Variants in PNLIPRP3 observed in about 807,000 individuals in gnomAD.
The protein encoded by PNLIPRP3 is pancreatic lipase-related protein 3.
In PNLIPRP3, 58 loss-of-function variants were observed where a neutral mutation model predicts 52.8. That is an observed-to-expected ratio of 1.10 (90% CI 0.89 to 1.37). PNLIPRP3 has a LOEUF of 1.37. Ranked by LOEUF, PNLIPRP3 falls within the 40% of genes most tolerant of loss-of-function variation. PNLIPRP3 has a pLI of 0.00. For synonymous variants in PNLIPRP3, 192 were observed against 185.0 expected (o/e 1.04, Z -0.31); for missense variants, 593 against 561.6 (o/e 1.06, Z -0.57).
chr10:116,471,912 G>A (rs2133158574), intron 10 of PNLIPRP3, 33 bp downstream of exon 10: 3 of 1,373,766 alleles, frequency 2.2e-6, no homozygotes, highest in Non-Finnish European at 1.0e-6. Context: ...GCTTTGCACA[G>A]TGCTGGGGGC....
chr10:116,476,023 T>G (rs577078426), intron 10 of PNLIPRP3, among the ~76,000 whole-genome samples: 3 of 152,196 alleles, frequency 2.0e-5, no homozygotes, highest in Admixed American at 6.5e-5. Context: ...TGGGTCACAG[T>G]GGAGAATTTT....
At chr10:116,440,016 G>A (rs576381527) in intron 2 of PNLIPRP3, 16 of 767,232 alleles carry the variant, frequency 2.1e-5, no homozygotes, top group East Asian at 9.7e-5. Flanking sequence ...ACATCTTGCC[G>A]TTTGGTTTCT....
At position 116,443,177 on chromosome 10, in the gene PNLIPRP3, A is replaced by C; in HGVS notation, c.324+3A>C. ...AATGGCAGAGAGACATGTGCAATGT[A>C]TGACATGAATAAGCTCCTTTTTACA... On this transcript the variant is annotated splice_donor_region_variant and intron_variant, in intron 3 of 11. Coordinates refer to ENST00000369230, the MANE Select transcript of PNLIPRP3 (RefSeq NM_001011709.3). 1 of 1,606,290 alleles carries C rather than the reference A, an allele frequency of 6.2e-7. No homozygotes were observed. Among genetic ancestry groups the C allele is most frequent in the Non-Finnish European group, 8.5e-7 (1 of 1,175,932 alleles).
At position 116,477,147 on chromosome 10, in the gene PNLIPRP3, A is replaced by G. The variant is rs1846484085; in HGVS notation, c.1398A>G (p.Pro466=). 2.5e-6 allele frequency: 4 copies of G among 1,589,198 alleles called. No homozygotes were observed. In the South Asian group the frequency reaches 3.3e-5, roughly 13 times the overall value. The change falls in exon 12 of 12, where the codon CCA becomes CCG. Residue 466 remains proline, a synonymous_variant. Coordinates refer to ENST00000369230, the MANE Select transcript of PNLIPRP3 (RefSeq NM_001011709.3). ...MGPNILQNLK[P]C is the part of the protein sequence containing the mutation. ...CTAATATTCTCCAGAACCTGAAACCATGCTAATCTCAGATACAGTCTTGAT... is the reference window on the plus strand; with the variant it reads ...CTAATATTCTCCAGAACCTGAAACCGTGCTAATCTCAGATACAGTCTTGAT...
rs552056129 is a variant in PNLIPRP3 at position 116,470,466 on chromosome 10, G to A, written c.1060+1149G>A. 5.3e-4 allele frequency among the ~76,000 whole-genome samples: 81 copies of A among 151,860 alleles called. 1 individual carries two copies. In the South Asian group the frequency reaches 0.016, roughly 31 times the overall value. The stretch of plus-strand genomic sequence containing the variant: ...AAAAGAGCCAAGGAAAGAAAGTTGA[G>A]CAGGAAGAGAGGAGACATACACCAC... On this transcript the variant is annotated intron_variant, in intron 9 of 11. Coordinates refer to ENST00000369230, the MANE Select transcript of PNLIPRP3 (RefSeq NM_001011709.3).
At chr10:116,439,812 A>G (rs1471271247) in intron 2 of PNLIPRP3, 3 of 775,634 alleles carry the variant, frequency 3.9e-6, no homozygotes, top group African/African-American at 3.4e-5. Flanking sequence ...TAGCTGGTTC[A>G]TAATCCTTCA....
chr10:116,453,534 C>A (rs1449381119), intron 4 of PNLIPRP3, among the ~76,000 whole-genome samples: 2 of 152,038 alleles, frequency 1.3e-5, no homozygotes, highest in Non-Finnish European at 2.9e-5. Context: ...ATGTCATCCC[C>A]AATTTGGAAA....
chr10:116,465,905 A>G (rs1489357924), intron 7 of PNLIPRP3, 145 bp from the exon 8 acceptor site: 1 of 678,574 alleles, frequency 1.5e-6, no homozygotes, highest in East Asian at 2.6e-5. Context: ...TAACTTTGAT[A>G]AATGTACAAT....
intron 3 of PNLIPRP3, among the ~76,000 whole-genome samples, chr10:116,443,801 G>GTATGTATATA (rs1845898955): frequency 2.7e-4 from 3 of 11,158 alleles, no homozygotes; most frequent in Admixed American, 6.8e-4. Context: ...ATGTGTGTGT[G>GTATGTATATA]CATATATATA....
intron 8 of PNLIPRP3, among the ~76,000 whole-genome samples, chr10:116,468,029 G>T (rs1203784439): frequency 1.3e-5 from 2 of 150,618 alleles, no homozygotes; most frequent in African/African-American, 4.9e-5. Flanking sequence ...GGAGGCTGAG[G>T]CAGGAGAATG....
At chr10:116,469,409 G>C in intron 9 of PNLIPRP3, 92 bp downstream of exon 9, 1 of 1,285,372 alleles carries the variant, frequency 7.8e-7, no homozygotes, top group Non-Finnish European at 1.0e-6. Context: ...TAAATAACTG[G>C]GCATTAGGCC....
intron 4 of PNLIPRP3, among the ~76,000 whole-genome samples, chr10:116,453,758 G>A (rs991388734): frequency 2.6e-5 from 4 of 152,114 alleles, no homozygotes; most frequent in Non-Finnish European, 1.5e-5. Flanking sequence ...TAAGCTCCCT[G>A]AGGCCTCACC....
intron 4 of PNLIPRP3, among the ~76,000 whole-genome samples, chr10:116,454,966 A>T (rs1354346157): frequency 2.0e-5 from 3 of 152,168 alleles, no homozygotes; most frequent in African/African-American, 7.2e-5. Context: ...CCTCCATATT[A>T]TTCTCCATAG....
chr10:116,463,840 A>T (rs1163178829), intron 7 of PNLIPRP3, among the ~76,000 whole-genome samples: 1 of 152,226 alleles, frequency 6.6e-6, no homozygotes, highest in African/African-American at 2.4e-5. Context: ...GTAAAATAAA[A>T]GAAAGCATAA....
intron 4 of PNLIPRP3, among the ~76,000 whole-genome samples, chr10:116,451,071 G>A (rs937437070): frequency 6.6e-6 from 1 of 152,168 alleles, no homozygotes; most frequent in African/African-American, 2.4e-5. Flanking sequence ...AATTAAAGCA[G>A]TGTGGCACTG....
At chr10:116,432,534 A>C (rs576714317) in intron 1 of PNLIPRP3, among the ~76,000 whole-genome samples, 1 of 152,236 alleles carries the variant, frequency 6.6e-6, no homozygotes, top group Non-Finnish European at 1.5e-5. Flanking sequence ...TAAAAATATA[A>C]GTAGAAGTGA....
rs757598389 is a variant in PNLIPRP3, at chr10:116,461,302, C to G, written c.808+12C>G. 1.9e-6 allele frequency: 3 copies of G among 1,609,444 alleles called. No homozygotes were observed. In the African/African-American group the frequency reaches 4.0e-5, roughly 22 times the overall value. Reference sequence around the variant, plus strand: ...TGCTTACAAAAAAGGTAAATACTTTCTAAACTATGAATGCTACTGATGCAT... The same window carrying G: ...TGCTTACAAAAAAGGTAAATACTTTGTAAACTATGAATGCTACTGATGCAT... On this transcript the variant is annotated intron_variant, in intron 7 of 11. Coordinates refer to ENST00000369230, the MANE Select transcript of PNLIPRP3 (RefSeq NM_001011709.3).
intron 7 of PNLIPRP3, among the ~76,000 whole-genome samples, chr10:116,462,752 C>A (rs988524): frequency 0.99 from 150,804 of 152,278 alleles, 74,702 homozygotes; most frequent in East Asian, 1. Flanking sequence ...CAAAATATAG[C>A]TCAGAAGACT....
At chr10:116,476,905 T>A in intron 11 of PNLIPRP3, 86 bp downstream of exon 11, 1 of 1,371,158 alleles carries the variant, frequency 7.3e-7, no homozygotes, top group African/African-American at 1.5e-5. Flanking sequence ...AATGTGCAAG[T>A]AGCATAAAAA....
Sources: gnomAD v4.1 joint callset for allele counts (sites outside exome capture counted in the v4.1 genomes callset) on GRCh38, gnomAD v4.1.1 for gene constraint, MANE v1.5 for transcripts, NCBI Gene and HGNC (gene_info 2026-07-23, HGNC 2026-07-21) for gene names.